Variants in LRBA observed in about 807,000 individuals in gnomAD.
LRBA encodes the protein lipopolysaccharide-responsive and beige-like anchor protein.
A neutral mutation model predicts 330.0 loss-of-function variants in LRBA; 176 were observed. The observed-to-expected ratio is 0.53, with a 90% CI of 0.47 to 0.60. The LOEUF is 0.60. Ranked by LOEUF, LRBA falls within the 20% of genes least tolerant of loss-of-function variation. LRBA has a pLI of 0.00. For missense variants in LRBA, 3,259 were observed against 3,444.8 expected (o/e 0.95, Z 1.35); for synonymous variants, 1,230 against 1,193.0 (o/e 1.03, Z -0.64).
chr4:150,789,171 C>T (rs536573568), intron 34 of LRBA, among the ~76,000 whole-genome samples: 1 of 152,202 alleles, frequency 6.6e-6, no homozygotes, highest in Non-Finnish European at 1.5e-5. Context: ...TTTCCTTCTT[C>T]CTGTTATGAC....
intron 35 of LRBA, among the ~76,000 whole-genome samples, chr4:150,757,276 T>G (rs1443411985): frequency 6.6e-6 from 1 of 152,162 alleles, no homozygotes; most frequent in Non-Finnish European, 1.5e-5. Flanking sequence ...CACTATAAAT[T>G]TCACAGAGTA....
At chr4:150,822,149 T>C (rs183166382) in intron 30 of LRBA, among the ~76,000 whole-genome samples, 16 of 152,192 alleles carry the variant, frequency 1.1e-4, no homozygotes, top group Admixed American at 4.6e-4. Flanking sequence ...GTTAAATGAA[T>C]ACTAGACATG....
chr4:150,802,046 T>TC (rs1741704435), intron 33 of LRBA, among the ~76,000 whole-genome samples: 1 of 27,730 alleles, frequency 3.6e-5, no homozygotes, highest in African/African-American at 6.6e-5. Flanking sequence ...AATAAATAAA[T>TC]AAATCAATAA....
intron 46 of LRBA, among the ~76,000 whole-genome samples, chr4:150,424,629 GCACACA>G (rs368621265): frequency 6.7e-6 from 1 of 150,206 alleles, no homozygotes; most frequent in African/African-American, 2.4e-5. Context: ...GTGCACACAC[GCACACA>G]CACACACACA....
chr4:150,802,789 A>G (rs1220321877), intron 33 of LRBA, among the ~76,000 whole-genome samples: 1 of 152,036 alleles, frequency 6.6e-6, no homozygotes, highest in Non-Finnish European at 1.5e-5. Context: ...TTTGGGAGGC[A>G]AGGCCGGAGG....
At chr4:150,288,152 C>T (rs1224893292) in intron 53 of LRBA, among the ~76,000 whole-genome samples, 1 of 152,046 alleles carries the variant, frequency 6.6e-6, no homozygotes, top group Non-Finnish European at 1.5e-5. Flanking sequence ...CCACTGCGCC[C>T]AGCTAATTTT....
chr4:150,547,201 ATTAGG>A (rs549466241), intron 40 of LRBA, among the ~76,000 whole-genome samples: 301 of 152,246 alleles, frequency 2.0e-3, no homozygotes, highest in Non-Finnish European at 3.2e-3. Flanking sequence ...ACTCATTGGT[ATTAGG>A]TTATTTTTTA....
chr4:150,644,743 C>T (rs571728016), intron 37 of LRBA, among the ~76,000 whole-genome samples: 13 of 151,790 alleles, frequency 8.6e-5, no homozygotes, highest in African/African-American at 1.7e-4. Context: ...AATAACTATA[C>T]GGATGATTTT....
At position 150,924,239 on chromosome 4, in the gene LRBA, C is replaced by T. The variant is rs541166148; in HGVS notation, c.550-2946G>A. 1.4e-4 allele frequency among the ~76,000 whole-genome samples: 21 copies of T among 152,196 alleles called. No homozygotes were observed. In the South Asian group the frequency reaches 4.4e-3, roughly 32 times the overall value. On this transcript the variant is annotated intron_variant, in intron 4 of 56. Transcript: ENST00000651943. ...AGAAAAAAATTTAGTAGACCAGGCACAGTGGTTCACATCTGTAATCTCAAC... is the reference window on the plus strand; with the variant it reads ...AGAAAAAAATTTAGTAGACCAGGCATAGTGGTTCACATCTGTAATCTCAAC...
intron 2 of LRBA, among the ~76,000 whole-genome samples, chr4:151,003,875 T>C (rs1405720232): frequency 6.7e-6 from 1 of 149,750 alleles, no homozygotes; most frequent in Admixed American, 6.9e-5. Context: ...TGTGTATCTA[T>C]AGCCAACTGC....
chr4:150,778,061 T>A (rs1280147995), intron 34 of LRBA, among the ~76,000 whole-genome samples: 1 of 151,668 alleles, frequency 6.6e-6, no homozygotes, highest in Non-Finnish European at 1.5e-5. Context: ...AAACTATCAT[T>A]AACTTTTCAA....
chr4:150,342,838 C>A (rs969631907), intron 48 of LRBA, among the ~76,000 whole-genome samples: 1 of 151,966 alleles, frequency 6.6e-6, no homozygotes, highest in Non-Finnish European at 1.5e-5. Flanking sequence ...TAGAAGTGAA[C>A]AGAAATAAGT....
chr4:150,441,923 GCACA>G (rs1284033610), intron 44 of LRBA, among the ~76,000 whole-genome samples: 2 of 151,990 alleles, frequency 1.3e-5, no homozygotes, highest in Non-Finnish European at 2.9e-5. Flanking sequence ...AGAGTTCCTG[GCACA>G]CACACAAAAA....
chr4:150,295,151 A>C (rs1728813273), intron 53 of LRBA, among the ~76,000 whole-genome samples: 1 of 151,684 alleles, frequency 6.6e-6, no homozygotes, highest in Admixed American at 6.6e-5. Context: ...TGGGGAGTGA[A>C]GGTACAGTAC....
At chr4:150,476,900 C>A (rs560779831) in intron 42 of LRBA, among the ~76,000 whole-genome samples, 1 of 152,126 alleles carries the variant, frequency 6.6e-6, no homozygotes, top group South Asian at 2.1e-4. Flanking sequence ...AAACTGATAA[C>A]AGGACTAATT....
In LRBA at chr4:150,798,113, C is replaced by A. The variant is rs765993573; in HGVS notation, c.5548G>T (p.Val1850Phe). 4.3e-6 allele frequency: 7 copies of A among 1,609,426 alleles called. No individual in the cohort carries two copies. The highest frequency in any genetic ancestry group is 1.3e-5 in the African/African-American group (1 of 74,854). ...SLVCMKSSSS[V>F]VELVMLLCSQ... is the part of the protein sequence containing the mutation. The stretch of plus-strand genomic sequence containing the variant: ...CACAGTAGCATAACCAATTCCACAA[C>A]TGAACTACTCGACTTCATGCAAACC... The change falls in exon 34 of 57, where the codon GTT (valine) becomes TTT (phenylalanine). Residue 1850 changes from valine to phenylalanine, a missense_variant. Val to Phe is a conservative substitution (Grantham distance 50, BLOSUM62 -1). Transcript: ENST00000651943.
rs1728278738 is a variant in LRBA, at chr4:150,716,955, C to A, written c.5754+18303G>T. 2.0e-5 allele frequency among the ~76,000 whole-genome samples: 3 copies of A among 152,298 alleles called. No homozygotes were observed. In the South Asian group the frequency reaches 6.2e-4, roughly 32 times the overall value. Reference sequence around the variant, plus strand: ...CAAAGCTAAATCACATTCTCTCAATCTACCTTGCATACATACATCAAAGAT... The same window carrying A: ...CAAAGCTAAATCACATTCTCTCAATATACCTTGCATACATACATCAAAGAT... On this transcript the variant is annotated intron_variant, in intron 36 of 56. Transcript: ENST00000651943.
At chr4:150,304,205 A>G (rs1730065829) in intron 52 of LRBA, among the ~76,000 whole-genome samples, 1 of 152,188 alleles carries the variant, frequency 6.6e-6, no homozygotes, top group Non-Finnish European at 1.5e-5. Flanking sequence ...TACATTGTAA[A>G]CTTCTTAAAA....
At chr4:150,504,789 TAA>T (rs1184656140) in intron 40 of LRBA, among the ~76,000 whole-genome samples, 4 of 151,956 alleles carry the variant, frequency 2.6e-5, no homozygotes, top group African/African-American at 9.7e-5. Context: ...GCAAATTGGA[TAA>T]AGAGTCAAGA....
Sources: allele counts gnomAD v4.1 joint callset (sites outside exome capture counted in the v4.1 genomes callset), GRCh38; gene constraint gnomAD v4.1.1; transcripts MANE v1.5; gene names NCBI Gene and HGNC (gene_info 2026-07-23, HGNC 2026-07-21).